The following TBCK variants were observed in gnomAD, a reference collection of about 807,000 sequenced individuals.
TBCK encodes the protein TBC domain-containing protein kinase-like protein.
TBCK carries 99 observed loss-of-function variants against 113.4 expected under a neutral mutation model. That is an observed-to-expected ratio of 0.87 (90% confidence interval 0.74 to 1.03). The LOEUF is 1.03. Among genes scored for constraint, TBCK ranks in the 50% least tolerant of loss-of-function variants. TBCK has a pLI of 0.00. For synonymous variants in TBCK, 369 were observed against 370.8 expected, an observed-to-expected ratio of 1.00 and a Z score of 0.05; for missense variants, 1,045 against 1,061.3, an observed-to-expected ratio of 0.98 and a Z score of 0.21.
At chr4:106,252,144 A>G (rs1034713166) in intron 5 of TBCK, 137 bp from the exon 6 acceptor site, 4 of 631,674 alleles carry the variant, frequency 6.3e-6, no homozygotes, top group Admixed American at 3.3e-5. Flanking sequence ...AGCATTCTAA[A>G]CTAACCATCA....
At chr4:106,126,976 G>A (rs570399068) in intron 23 of TBCK, among the ~76,000 whole-genome samples, 5 of 151,974 alleles carry the variant, frequency 3.3e-5, no homozygotes, top group African/African-American at 9.6e-5. Flanking sequence ...TTGGGAGGCC[G>A]AGGCGGGCAG....
At position 106,316,076 on chromosome 4, in the gene TBCK, A is replaced by G. The variant is rs1768814811; in HGVS notation, c.-175T>C. The G allele has an allele frequency of 6.5e-6, 1 of 153,862 alleles. No homozygotes were observed. Among genetic ancestry groups the G allele is most frequent in the African/African-American group, 2.4e-5 (1 of 41,414 alleles). 9.5% of individuals were successfully genotyped at this position (153,862 alleles called of 1,614,324 possible). A position where few individuals can be genotyped will look rare whatever the true frequency, so the allele number is the denominator to read the frequency against. ...TTCAGGTGCTCCTACAAAAGAGGCC[A>G]CTCCTGGAACGCCGGGAGCTCAGAC... On this transcript the variant is annotated 5_prime_UTR_variant, in exon 1 of 26. Coordinates refer to ENST00000394708, the MANE Select transcript of TBCK (RefSeq NM_001163435.3).
At chr4:106,280,207 A>C (rs1764448743) in intron 3 of TBCK, among the ~76,000 whole-genome samples, 1 of 152,078 alleles carries the variant, frequency 6.6e-6, no homozygotes, top group African/African-American at 2.4e-5. Flanking sequence ...CCTTTTCATA[A>C]GCCTGTGTGC....
chr4:106,206,302 G>GT (rs1755488570), intron 20 of TBCK, among the ~76,000 whole-genome samples: 1 of 152,170 alleles, frequency 6.6e-6, no homozygotes, highest in African/African-American at 2.4e-5. Context: ...TGTGTGTATA[G>GT]TTTTTTGGCT....
Position 106,211,178 on chromosome 4 carries a change from T to C in TBCK, c.1860+1572A>G, listed in dbSNP as rs144654971. ...AAAATTTTTTGAAAATAATTATCTT[T>C]TTTAGTCTAAATTTTAAATACTTAA... On this transcript the variant is annotated intron_variant, in intron 20 of 25. Transcript: ENST00000394708. Among the ~76,000 whole-genome samples, 60 of 152,290 alleles carry C rather than the reference T, an allele frequency of 3.9e-4. No homozygotes were observed. In the East Asian group the frequency reaches 0.011, roughly 29 times the overall value.
At chr4:106,055,125 G>A (rs1190274590) in intron 25 of TBCK, among the ~76,000 whole-genome samples, 1 of 151,500 alleles carries the variant, frequency 6.6e-6, no homozygotes, top group African/African-American at 2.4e-5. Flanking sequence ...GTTTAGAGAG[G>A]ATGCAGTGAA....
At chr4:106,111,436 G>A (rs978560142) in intron 24 of TBCK, among the ~76,000 whole-genome samples, 3 of 152,102 alleles carry the variant, frequency 2.0e-5, no homozygotes, top group Non-Finnish European at 4.4e-5. Context: ...CTTGCAGAAC[G>A]GGACAGAGAA....
chr4:106,174,192 A>G (rs908271311), intron 22 of TBCK, among the ~76,000 whole-genome samples: 1 of 152,118 alleles, frequency 6.6e-6, no homozygotes, highest in Non-Finnish European at 1.5e-5. Flanking sequence ...ACCATTATCC[A>G]ATTCTCTTAG....
intron 12 of TBCK, chr4:106,238,878 C>T (rs1226017949): frequency 6.6e-6 from 1 of 152,128 alleles, no homozygotes; most frequent in Non-Finnish European, 1.5e-5. Flanking sequence ...CTAATACTTG[C>T]AGGCTGAGCA....
intron 23 of TBCK, among the ~76,000 whole-genome samples, chr4:106,128,397 T>C (rs1745479246): frequency 6.6e-6 from 1 of 152,202 alleles, no homozygotes; most frequent in Non-Finnish European, 1.5e-5. Flanking sequence ...AAGATGCATA[T>C]AGTCCTAGAA....
At chr4:106,232,227 C>T (rs930578877) in intron 17 of TBCK, among the ~76,000 whole-genome samples, 1 of 151,556 alleles carries the variant, frequency 6.6e-6, no homozygotes, top group Non-Finnish European at 1.5e-5. Context: ...TATGACATTT[C>T]TTTTATTGAT....
intron 3 of TBCK, among the ~76,000 whole-genome samples, chr4:106,288,356 C>T (rs866469999): frequency 5.3e-5 from 8 of 151,690 alleles, no homozygotes; most frequent in South Asian, 2.1e-4. Context: ...ATCGTACCAC[C>T]GCACTCCAGC....
intron 5 of TBCK, among the ~76,000 whole-genome samples, chr4:106,257,068 A>G (rs1762070907): frequency 6.6e-6 from 1 of 152,288 alleles, no homozygotes; most frequent in East Asian, 1.9e-4. Flanking sequence ...TATAAAAAAT[A>G]CCCATTAGGA....
At chr4:106,164,794 T>C (rs1368022988) in intron 23 of TBCK, among the ~76,000 whole-genome samples, 1 of 151,762 alleles carries the variant, frequency 6.6e-6, no homozygotes, top group Non-Finnish European at 1.5e-5. Flanking sequence ...CTTTGTAGAC[T>C]GGCATTTATA....
At chr4:106,085,271 A>AAAAACAAAACAAAACAAAAC (rs140682905) in intron 25 of TBCK, among the ~76,000 whole-genome samples, 25 of 150,106 alleles carry the variant, frequency 1.7e-4, no homozygotes, top group African/African-American at 4.9e-4. Flanking sequence ...AAATGGAAAG[A>AAAAACAAAACAAAACAAAAC]AAAACAAAAC....
At chr4:106,255,339 G>A (rs977869009) in intron 5 of TBCK, among the ~76,000 whole-genome samples, 3 of 152,232 alleles carry the variant, frequency 2.0e-5, no homozygotes, top group African/African-American at 4.8e-5. Context: ...TGCTCAGCTC[G>A]TGCTACTGGC....
intron 19 of TBCK, among the ~76,000 whole-genome samples, chr4:106,230,064 C>T (rs549124177): frequency 1.3e-5 from 2 of 151,996 alleles, no homozygotes; most frequent in East Asian, 3.9e-4. Context: ...CATGGTGAAG[C>T]TTTTTGTGAG....
At chr4:106,078,986 C>A (rs1020420041) in intron 25 of TBCK, among the ~76,000 whole-genome samples, 1 of 152,048 alleles carries the variant, frequency 6.6e-6, no homozygotes, top group Non-Finnish European at 1.5e-5. Flanking sequence ...TTAACATATG[C>A]AACTAAATAA....
At chr4:106,108,375 T>C (rs759218497) in intron 24 of TBCK, among the ~76,000 whole-genome samples, 2 of 152,142 alleles carry the variant, frequency 1.3e-5, no homozygotes, top group African/African-American at 4.8e-5. Flanking sequence ...ACTTGTAAAC[T>C]GAATCCAGCA....
Sources: allele counts gnomAD v4.1 joint callset (sites outside exome capture counted in the v4.1 genomes callset), GRCh38; gene constraint gnomAD v4.1.1; transcripts MANE v1.5; gene names NCBI Gene and HGNC (gene_info 2026-07-23, HGNC 2026-07-21).